Variants in FBN3 observed in about 807,000 individuals in gnomAD.
FBN3 encodes fibrillin-3.
FBN3 carries 234 observed loss-of-function variants against 330.1 expected under a neutral mutation model. That is an observed-to-expected ratio of 0.71 (90% CI 0.64 to 0.79). The LOEUF (loss-of-function observed/expected upper bound fraction) is 0.79, where lower values mean the gene tolerates loss of function less well. Among genes scored for constraint, FBN3 ranks in the 30% least tolerant of loss-of-function variants. The pLI is 0.00. For missense variants in FBN3, 3,606 were observed against 3,886.9 expected (o/e 0.93, Z 1.92); for synonymous variants, 1,458 against 1,517.3 (o/e 0.96, Z 0.91).
chr19:8,129,470 C>G lies in FBN3; in HGVS notation c.2045-105G>C. 6.8e-7 allele frequency: 1 copy of G among 1,476,022 alleles called. No homozygotes were observed. The highest frequency in any genetic ancestry group is 9.2e-7 in the Non-Finnish European group (1 of 1,083,522). The allele number at this position is 1,476,022 out of a possible 1,614,324, so 91.4% of individuals were successfully genotyped here. On this transcript the variant is annotated intron_variant, in intron 16 of 63. Coordinates refer to ENST00000600128, the MANE Select transcript of FBN3 (RefSeq NM_032447.5). The surrounding 1 kb of genome is among the most constrained non-coding windows in gnomAD (Gnocchi z 4.5). ...CAGGGGTCTCTAGAAGTCAGATTCC[C>G]CAAGGCCATAGCTCCAGCCCAGACC...
chr19:8,075,337 G>A lies in FBN3; in HGVS notation c.7528C>T (p.Arg2510Cys), dbSNP rs375723933. The A allele has an allele frequency of 3.1e-5, 50 of 1,614,116 alleles. No individual in the cohort carries two copies. Among genetic ancestry groups the A allele is most frequent in the East Asian group, 4.5e-5 (2 of 44,902 alleles). ...GHCHNTPGSF[R>C]CECHQGFTLV... Reference sequence around the variant, plus strand: ...GTGAAGCCTTGGTGGCATTCACAGCGGAAGCTGCCCGGGGTGTTGTGGCAG... The same window carrying A: ...GTGAAGCCTTGGTGGCATTCACAGCAGAAGCTGCCCGGGGTGTTGTGGCAG... Residue 2510 changes from arginine (R) to cysteine (C), a missense_variant, in exon 60 of 64, where the codon CGC becomes TGC. Coordinates refer to ENST00000600128, the MANE Select transcript of FBN3 (RefSeq NM_032447.5).
rs200245318 is a variant in FBN3 at position 8,073,262 on chromosome 19, C to T, written c.7738G>A (p.Gly2580Arg). Residue 2580 changes from glycine (G) to arginine (R), a missense_variant, in exon 62 of 64, where the codon GGG (glycine) becomes AGG (arginine). Gly to Arg is a moderately radical substitution (Grantham distance 125). Coordinates refer to ENST00000600128, the MANE Select transcript of FBN3 (RefSeq NM_032447.5). ...AGAGTGTTGCGACAGGAGGCGCTCC[C>T]GCAGGTGGGGGGCGACAGGGCACAC... is the stretch of plus-strand genomic sequence containing the variant. ...NECALSPPTC[G>R]SASCRNTLGG... 27 of 1,613,870 alleles carry T rather than the reference C, an allele frequency of 1.7e-5. No homozygotes were observed. The highest frequency in any genetic ancestry group is 1.6e-4 in the African/African-American group (12 of 75,002).
intron 13 of FBN3, 25 bp downstream of exon 13, chr19:8,135,936 G>GGGGGGGGGGGGGGCGCCGCCCCCCCCC: frequency 1.5e-6 from 1 of 668,778 alleles, no homozygotes; most frequent in Non-Finnish European, 2.4e-6. Flanking sequence ...GGAAGCCCCT[G>GGGGGGGGGGGGGGCGCCGCCCCCCCCC]CCCACCCGCC....
rs1458658622 is a variant in FBN3 at position 8,109,206 on chromosome 19, A to G, written c.4618+21T>C. 2 of 1,611,850 alleles carry G rather than the reference A, an allele frequency of 1.2e-6. No individual in the cohort carries two copies. Among genetic ancestry groups the G allele is most frequent in the Non-Finnish European group, 1.7e-6 (2 of 1,178,488 alleles). ...CTCGGTGGCTTAGGTCACGGTGTTC[A>G]ACTGCCCCGCAGGGACTCACTGGTG... On this transcript the variant is annotated intron_variant, in intron 36 of 63. Transcript: ENST00000600128. The surrounding 1 kb of genome is among the most constrained non-coding windows in gnomAD (Gnocchi z 5.2).
At position 8,110,875 on chromosome 19, in the gene FBN3, C is replaced by T. The variant is rs376405342; in HGVS notation, c.4303G>A (p.Glu1435Lys). 53 of 1,614,114 alleles carry T rather than the reference C, an allele frequency of 3.3e-5. No individual in the cohort carries two copies. In the East Asian group the frequency reaches 8.0e-4, roughly 24 times the overall value. Residue 1435 changes from glutamate to lysine, a missense_variant, in exon 34 of 64, where the codon GAA (glutamate) becomes AAA (lysine). By Grantham distance (56) the Glu-to-Lys change is moderately conservative (BLOSUM62 1). Coordinates refer to ENST00000600128, the MANE Select transcript of FBN3 (RefSeq NM_032447.5). ...MFRCICNGGY[E>K]LDRGGGNCTD... ...CAGTTGCCACCCCCTCGGTCCAGTT[C>T]GTAGCCACCATTGCAGATGCAGCGG... is the stretch of plus-strand genomic sequence containing the variant.
At chr19:8,145,084 A>G in intron 5 of FBN3, 112 bp from the exon 6 acceptor site, 1 of 977,716 alleles carries the variant, frequency 1.0e-6, no homozygotes, top group Non-Finnish European at 1.6e-6. Flanking sequence ...CAGGTTGAAT[A>G]AGACTGAGGC....
At position 8,138,277 on chromosome 19, in the gene FBN3, G is replaced by T. The variant is rs534979806; in HGVS notation, c.1065C>A (p.Gly355=). ...LCAQRLPLLP[G]HPGLFPGLLG... is the part of the protein sequence containing the mutation. ...GGAGGCCAGGGAAGAGGCCAGGGTG[G>T]CCGGGTAGCAGCGGCAGCCGCTGGG... The change falls in exon 10 of 64, where the codon GGC becomes GGA. Residue 355 remains glycine, a synonymous_variant. Coordinates refer to ENST00000600128, the MANE Select transcript of FBN3 (RefSeq NM_032447.5). 5.1e-5 allele frequency: 83 copies of T among 1,612,950 alleles called. No homozygotes were observed. The South Asian group carries it at 8.8e-4, about 17-fold the overall frequency.
intron 8 of FBN3, among the ~76,000 whole-genome samples, chr19:8,141,081 G>A (rs1424195572): frequency 2.0e-5 from 3 of 150,960 alleles, no homozygotes; most frequent in South Asian, 2.1e-4. Flanking sequence ...TGTAGTCCCA[G>A]CTACTCGGGA....
Position 8,121,257 on chromosome 19 carries a change from C to A in FBN3, c.3211+1G>T. 1 of 1,600,588 alleles carries A rather than the reference C, an allele frequency of 6.2e-7. No homozygotes were observed. Among genetic ancestry groups the A allele is most frequent in the Non-Finnish European group, 8.5e-7 (1 of 1,172,246 alleles). On this transcript the variant is annotated splice_donor_variant, in intron 25 of 63. Transcript: ENST00000600128. LOFTEE classifies it high-confidence loss of function. This position sits in a 1 kb window ranked among gnomAD's most constrained non-coding sequence, Gnocchi z 4.5. ...CACACCCCTGCCCGGCAGTCACCGA[C>A]CCATGCAGTTCTTCATCAGCATGAA...
intron 13 of FBN3, 25 bp downstream of exon 13, chr19:8,135,936 G>GGGCCACCCCC: frequency 1.5e-6 from 1 of 668,778 alleles, no homozygotes; most frequent in Non-Finnish European, 2.4e-6. Context: ...GGAAGCCCCT[G>GGGCCACCCCC]CCCACCCGCC....
Position 8,080,668 on chromosome 19 carries a change from G to A in FBN3, c.7453+335C>T, listed in dbSNP as rs192197953. On this transcript the variant is annotated intron_variant, in intron 59 of 63. Coordinates refer to ENST00000600128, the MANE Select transcript of FBN3 (RefSeq NM_032447.5). Reference sequence around the variant, plus strand: ...AGTTTCGCTCTTGTTGCCCAGGCTGGAGTGCAGTGGCATGATCTCAGCTCA... The same window carrying A: ...AGTTTCGCTCTTGTTGCCCAGGCTGAAGTGCAGTGGCATGATCTCAGCTCA... 1.6e-4 allele frequency among the ~76,000 whole-genome samples: 24 copies of A among 152,182 alleles called. 1 individual carries two copies. Among genetic ancestry groups the A allele is most frequent in the Admixed American group, 1.5e-3 (23 of 15,292 alleles).
At chr19:8,145,055 G>C (rs575564507) in intron 5 of FBN3, 83 bp from the exon 6 acceptor site, 1 of 1,185,828 alleles carries the variant, frequency 8.4e-7, no homozygotes, top group African/African-American at 1.5e-5. Context: ...CTTCACCCAG[G>C]AATCCCCAGG....
intron 42 of FBN3, 56 bp from the exon 43 acceptor site, chr19:8,097,062 T>C: frequency 1.3e-6 from 2 of 1,589,000 alleles, no homozygotes; most frequent in Non-Finnish European, 1.7e-6. Context: ...CCTGACAGAA[T>C]CAAACGTGAA....
intron 27 of FBN3, 31 bp from the exon 28 acceptor site, chr19:8,117,322 G>C: frequency 6.4e-7 from 1 of 1,574,556 alleles, no homozygotes. Context: ...AGGGGCTGGG[G>C]CTGGGGGGAG....
intron 30 of FBN3, among the ~76,000 whole-genome samples, chr19:8,114,176 T>C (rs957999595): frequency 2.0e-5 from 3 of 152,156 alleles, no homozygotes; most frequent in Admixed American, 1.3e-4. Context: ...ACTAACCCTG[T>C]AGACACCTTG....
chr19:8,111,878 C>T (rs962423557), intron 31 of FBN3, 99 bp downstream of exon 31: 241 of 1,405,682 alleles, frequency 1.7e-4, no homozygotes, highest in Non-Finnish European at 2.3e-4. Flanking sequence ...CCCCTGCAGA[C>T]ACTCCCGGAT....
rs1256479257 is a variant in FBN3 at position 8,108,175 on chromosome 19, A to G, written c.4682T>C (p.Leu1561Pro). Residue 1561 changes from leucine to proline, a missense_variant, in exon 37 of 64, where the codon CTG becomes CCG. Coordinates refer to ENST00000600128, the MANE Select transcript of FBN3 (RefSeq NM_032447.5). ...ATGATCTGCCAGGAACTCACCTTCCAGAATGACAGTGATGCGGTTAGGCTG... is the reference window on the plus strand; with the variant it reads ...ATGATCTGCCAGGAACTCACCTTCCGGAATGACAGTGATGCGGTTAGGCTG... ...GFQPNRITVILEDIDECQELP... is the reference protein window; with the variant it reads ...GFQPNRITVIPEDIDECQELP... 6.2e-7 allele frequency: 1 copy of G among 1,612,434 alleles called. No homozygotes were observed. The highest frequency in any genetic ancestry group is 8.5e-7 in the Non-Finnish European group (1 of 1,179,384).
rs751434645 is a variant in FBN3 at position 8,090,996 on chromosome 19, G to A, written c.6031+469C>T. 1.7e-4 allele frequency among the ~76,000 whole-genome samples: 26 copies of A among 152,170 alleles called. No homozygotes were observed. In the Middle Eastern group the frequency reaches 0.01, roughly 60 times the overall value. On this transcript the variant is annotated intron_variant, in intron 48 of 63. Transcript: ENST00000600128. ...TATCAAGTCCTCACCAGCAGGCTGGGGTCCCAGCCTCCCAGAACAGCAAAT... is the reference window on the plus strand; with the variant it reads ...TATCAAGTCCTCACCAGCAGGCTGGAGTCCCAGCCTCCCAGAACAGCAAAT...
rs748131410 is a variant in FBN3 at position 8,096,547 on chromosome 19, G to A, written c.5436C>T (p.Ile1812=). 3.7e-6 allele frequency: 6 copies of A among 1,613,102 alleles called. No homozygotes were observed. The East Asian group carries it at 8.9e-5, about 24-fold the overall frequency. Residue 1812 remains isoleucine, a synonymous_variant, in exon 44 of 64, where the codon ATC becomes ATT. Coordinates refer to ENST00000600128, the MANE Select transcript of FBN3 (RefSeq NM_032447.5). This position sits in a 1 kb window ranked among gnomAD's most constrained non-coding sequence, Gnocchi z 4.6. ...AGTCACCATGGCTACAGACATTCGG[G>A]ATCTCCCGACACTCATTCCGTCCTG... The part of the protein sequence containing the change: ...ACVGRNECRE[I]PNVCSHGDCM...
Sources: allele counts gnomAD v4.1 joint callset (sites outside exome capture counted in the v4.1 genomes callset), GRCh38; gene constraint gnomAD v4.1.1; non-coding constraint Gnocchi (gnomAD v3.1); transcripts MANE v1.5; gene names NCBI Gene and HGNC (gene_info 2026-07-23, HGNC 2026-07-21).